The following ARSL variants were observed in gnomAD, a reference collection of about 807,000 sequenced individuals.
ARSL encodes arylsulfatase L, also known as arylsulfatase E (chondrodysplasia punctata 1).
A neutral mutation model predicts 31.1 loss-of-function variants in ARSL; 4 were observed. The observed-to-expected ratio is 0.13, with a 90% CI of 0.06 to 0.29. The LOEUF is 0.29. Among genes scored for constraint, ARSL ranks in the 10% least tolerant of loss-of-function variants. The pLI, the probability that ARSL is intolerant of heterozygous loss-of-function variation, is 1.00. For synonymous variants in ARSL, 198 were observed against 209.9 expected (o/e 0.94, Z 0.49); for missense variants, 312 against 497.8 (o/e 0.63, Z 3.55).
At chrX:2,944,485 A>C (rs1447423470) in intron 7 of ARSL, among the ~76,000 whole-genome samples, 7 of 94,611 alleles carry the variant, frequency 7.4e-5, no homozygotes, top group Non-Finnish European at 1.6e-4. Flanking sequence ...AAAAAAAAAA[A>C]ACAAAACAAA....
intron 7 of ARSL, among the ~76,000 whole-genome samples, chrX:2,944,146 C>G: frequency 9.0e-6 from 1 of 110,648 alleles, no homozygotes; most frequent in East Asian, 2.8e-4. Flanking sequence ...CCACTGCACT[C>G]CAGCCTGGGT....
upstream of ARSL, among the ~76,000 whole-genome samples, chrX:2,967,951 T>C (rs2089711114): frequency 8.9e-6 from 1 of 112,597 alleles, no homozygotes; most frequent in African/African-American, 3.2e-5. Flanking sequence ...CGCATTACGT[T>C]TGGAAATCTC....
chrX:2,939,864 C>CTTTTTTTTT (rs35373572), intron 8 of ARSL, among the ~76,000 whole-genome samples: 1 of 55,413 alleles, frequency 1.8e-5, no homozygotes, highest in African/African-American at 6.9e-5. Context: ...ACCCTTCTAC[C>CTTTTTTTTT]TTTTTTTTTT....
At chrX:2,944,902 G>GA in intron 7 of ARSL, among the ~76,000 whole-genome samples, 1 of 109,524 alleles carries the variant, frequency 9.1e-6, no homozygotes, top group East Asian at 2.9e-4. Context: ...GCTGTGTTAG[G>GA]AAAAAAAGAA....
At chrX:2,962,712 C>T (rs1446415003) in intron 1 of ARSL, among the ~76,000 whole-genome samples, 1 of 111,563 alleles carries the variant, frequency 9.0e-6, no homozygotes, top group Admixed American at 9.5e-5. Context: ...AGACAATGAG[C>T]TTTGTGAAAG....
At chrX:2,943,230 G>A (rs777757582) in intron 7 of ARSL, 31 bp from the exon 8 acceptor site, 5 of 1,205,173 alleles carry the variant, frequency 4.1e-6, no homozygotes, top group South Asian at 1.8e-5. Context: ...TGGGGCCGTC[G>A]AAATGGAAAA....
chrX:2,936,192 A>G (rs1299595013), intron 10 of ARSL, among the ~76,000 whole-genome samples: 2 of 110,530 alleles, frequency 1.8e-5, no homozygotes, highest in African/African-American at 3.3e-5. Context: ...GAAATTAGCC[A>G]GGTGTAGTGG....
chrX:2,965,895 C>G (rs986870697), upstream of ARSL, among the ~76,000 whole-genome samples: 4 of 111,934 alleles, frequency 3.6e-5, no homozygotes, highest in East Asian at 1.1e-3. Flanking sequence ...AGTGAGACTC[C>G]GTCTCAAAAA....
chrX:2,955,580 C>T lies in ARSL; in HGVS notation c.186-43G>A, dbSNP rs745647946. 23 of 1,196,850 alleles carry T rather than the reference C, an allele frequency of 1.9e-5. No individual in the cohort carries two copies. In the East Asian group the frequency reaches 2.4e-4, roughly 12 times the overall value. ...AACAGCTTTACTTGTTAAAATTAGACAGGCTTTTCATAAGCATAGCTACAT... is the reference window on the plus strand; with the variant it reads ...AACAGCTTTACTTGTTAAAATTAGATAGGCTTTTCATAAGCATAGCTACAT... On this transcript the variant is annotated intron_variant, in intron 3 of 10. Transcript: ENST00000381134.
intron 5 of ARSL, 49 bp downstream of exon 5, chrX:2,953,094 C>T (rs952480623): frequency 8.4e-7 from 1 of 1,188,245 alleles, no homozygotes; most frequent in Non-Finnish European, 1.1e-6. Context: ...AGCTGAATGT[C>T]CCTTCCATAT....
chrX:2,941,386 C>T (rs774153713), intron 8 of ARSL, among the ~76,000 whole-genome samples: 2 of 109,395 alleles, frequency 1.8e-5, no homozygotes, highest in East Asian at 2.8e-4. Flanking sequence ...TCCCAAGTAG[C>T]TGGGATTACA....
intron 7 of ARSL, among the ~76,000 whole-genome samples, chrX:2,943,570 C>T (rs1465033529): frequency 9.2e-6 from 1 of 108,116 alleles, no homozygotes; most frequent in African/African-American, 3.4e-5. Flanking sequence ...GATGAAACTA[C>T]ATCTCTACTA....
upstream of ARSL, among the ~76,000 whole-genome samples, chrX:2,965,057 A>G (rs942514599): frequency 9.0e-6 from 1 of 110,928 alleles, no homozygotes; most frequent in Non-Finnish European, 1.9e-5. Flanking sequence ...GTTTCACTCC[A>G]GCCTGAGTGA....
upstream of ARSL, chrX:2,968,141 C>A: frequency 1.7e-6 from 2 of 1,155,146 alleles, no homozygotes; most frequent in Non-Finnish European, 2.3e-6. Flanking sequence ...CCCAGGAAGG[C>A]CAGTTACCTG....
intron 9 of ARSL, 68 bp downstream of exon 9, chrX:2,938,027 A>G (rs1283105418): frequency 7.5e-6 from 9 of 1,197,139 alleles, no homozygotes; most frequent in Non-Finnish European, 9.0e-6. Flanking sequence ...CCAAAGTGAC[A>G]TGTTCATTTG....
upstream of ARSL, among the ~76,000 whole-genome samples, chrX:2,966,071 C>T (rs765247218): frequency 3.6e-5 from 4 of 112,122 alleles, no homozygotes; most frequent in Non-Finnish European, 7.5e-5. Flanking sequence ...CCTGCTGTCT[C>T]TTCGCAACTT....
chrX:2,946,349 CT>C (rs2089381768), intron 6 of ARSL, among the ~76,000 whole-genome samples: 1 of 52,454 alleles, frequency 1.9e-5, no homozygotes, highest in South Asian at 9.7e-4. Flanking sequence ...TTTTTTTTGG[CT>C]ATTTTAAAGA....
At chrX:2,955,805 G>A (rs1477999008) in intron 3 of ARSL, among the ~76,000 whole-genome samples, 6 of 112,100 alleles carry the variant, frequency 5.4e-5, no homozygotes, top group Admixed American at 1.9e-4. Context: ...CGGGAGGATC[G>A]TTTAGGGCCA....
In ARSL at chrX:2,949,689, C is replaced by T; in HGVS notation, c.469G>A (p.Asp157Asn). 8.3e-7 allele frequency: 1 copy of T among 1,211,567 alleles called. No homozygotes were observed. The highest frequency in any genetic ancestry group is 1.1e-6 in the Non-Finnish European group (1 of 895,425). Reference sequence around the variant, plus strand: ...TGATGGAGAGGGTGGTGGCAATGATCACTGGCTGACTCACAGTTGAGACCC... The same window carrying T: ...TGATGGAGAGGGTGGTGGCAATGATTACTGGCTGACTCACAGTTGAGACCC... ...HLGLNCESAS[D>N]HCHHPLHHGF... Residue 157 changes from aspartate (D) to asparagine (N), a missense_variant, in exon 6 of 11, where the codon GAT becomes AAT. Asp to Asn is a conservative substitution (Grantham distance 23). Transcript: ENST00000381134.
Sources: allele counts gnomAD v4.1 joint callset (sites outside exome capture counted in the v4.1 genomes callset), GRCh38; gene constraint gnomAD v4.1.1; transcripts MANE v1.5; gene names NCBI Gene and HGNC (gene_info 2026-07-23, HGNC 2026-07-21).